GRK5: variants seen among roughly 807,000 people sequenced by gnomAD.
GRK5 encodes g protein-coupled receptor kinase GRK5.
GRK5 carries 40 observed loss-of-function variants against 78.4 expected under a neutral mutation model. The ratio of observed to expected loss-of-function variants is 0.51; its 90% confidence interval spans 0.40 to 0.66. GRK5 has a LOEUF of 0.66. Among genes scored for constraint, GRK5 ranks in the 30% least tolerant of loss-of-function variants. GRK5 has a pLI of 0.00. For missense variants in GRK5, 598 were observed against 759.9 expected, an observed-to-expected ratio of 0.79 and a Z score of 2.50; for synonymous variants, 289 against 296.8, an observed-to-expected ratio of 0.97 and a Z score of 0.27.
At chr10:119,383,071 G>A (rs1237830012) in intron 3 of GRK5, among the ~76,000 whole-genome samples, 1 of 152,044 alleles carries the variant, frequency 6.6e-6, no homozygotes, top group South Asian at 2.1e-4. Context: ...ACAGGCGCCC[G>A]CCACTACACC....
rs2133666683 is a variant in GRK5, at chr10:119,267,397, G to C, written c.53-59119G>C. 6.6e-6 allele frequency among the ~76,000 whole-genome samples: 1 copy of C among 152,256 alleles called. No homozygotes were observed. The highest frequency in any genetic ancestry group is 2.1e-4 in the South Asian group (1 of 4,830). On this transcript the variant is annotated intron_variant, in intron 1 of 15. Transcript: ENST00000392870. This position sits in a 1 kb window ranked among gnomAD's most constrained non-coding sequence, Gnocchi z 4.1. ...GTGCCTAGCTGTGTTTTGTTGTCTG[G>C]CGCTGCTTTAGATGACCCCTGCTGC...
intron 4 of GRK5, chr10:119,406,539 C>G (rs1852243951): frequency 1.1e-6 from 1 of 912,910 alleles, no homozygotes; most frequent in Admixed American, 6.2e-5. Flanking sequence ...GGACCCGGCT[C>G]TTCATCTCTA....
chr10:119,431,642 A>C lies in GRK5; in HGVS notation c.738+115A>C. The C allele has an allele frequency of 2.4e-6, 3 of 1,251,038 alleles. No homozygotes were observed. Among genetic ancestry groups the C allele is most frequent in the Non-Finnish European group, 3.3e-6 (3 of 907,596 alleles). The allele number at this position is 1,251,038 out of a possible 1,614,324, so 77.5% of individuals were successfully genotyped here. ...CCGGTCCCCACCCCTGGGAAGGGGA[A>C]TGCCAGTGGCAGCGCTGAGCTACAG... On this transcript the variant is annotated intron_variant, in intron 8 of 15. Coordinates refer to ENST00000392870, the MANE Select transcript of GRK5 (RefSeq NM_005308.3). The surrounding 1 kb of genome is among the most constrained non-coding windows in gnomAD (Gnocchi z 4.8).
intron 1 of GRK5, among the ~76,000 whole-genome samples, chr10:119,266,596 C>T (rs1054712949): frequency 4.6e-5 from 7 of 152,118 alleles, no homozygotes; most frequent in Non-Finnish European, 7.4e-5. Context: ...GTAGTGAAGC[C>T]GGTGGGGCTG....
At chr10:119,325,717 C>T (rs933094790) in intron 1 of GRK5, among the ~76,000 whole-genome samples, 6 of 152,186 alleles carry the variant, frequency 3.9e-5, no homozygotes, top group East Asian at 1.9e-4. Flanking sequence ...TTCACCCCAT[C>T]GCTGTTTGCG....
Position 119,296,428 on chromosome 10 carries a change from A to G in GRK5, c.53-30088A>G, listed in dbSNP as rs137924742. On this transcript the variant is annotated intron_variant, in intron 1 of 15. Transcript: ENST00000392870. ...GAGGTGGACTCTGTCCACAGGAGTA[A>G]AGGGAGAGGAACCACTGGCTGGTGA... 3.0e-3 allele frequency among the ~76,000 whole-genome samples: 460 copies of G among 152,286 alleles called. 3 individuals are homozygous for G. Among genetic ancestry groups the G allele is most frequent in the African/African-American group, 0.01 (425 of 41,550 alleles).
At chr10:119,392,026 C>T (rs1851895657) in intron 3 of GRK5, among the ~76,000 whole-genome samples, 2 of 152,150 alleles carry the variant, frequency 1.3e-5, no homozygotes, top group Admixed American at 1.3e-4. Context: ...AAACCTAGGG[C>T]CGGCTTCTTT....
chr10:119,300,993 A>G (rs1850171019), intron 1 of GRK5, among the ~76,000 whole-genome samples: 1 of 152,164 alleles, frequency 6.6e-6, no homozygotes, highest in South Asian at 2.1e-4. Context: ...AATCCCGGCT[A>G]CTTGGAAGGC....
rs563760914 is a variant in GRK5 at position 119,312,263 on chromosome 10, A to T, written c.53-14253A>T. 9.2e-5 allele frequency among the ~76,000 whole-genome samples: 14 copies of T among 152,312 alleles called. No individual in the cohort carries two copies. In the South Asian group the frequency reaches 2.5e-3, roughly 27 times the overall value. On this transcript the variant is annotated intron_variant, in intron 1 of 15. Transcript: ENST00000392870. ...TTAATATTCAGTGAATTTCATTTCA[A>T]TAAATGATTATTTTTTAATGGCGAT...
rs549310848 is a variant in GRK5, at chr10:119,350,118, C to T, written c.148+23507C>T. On this transcript the variant is annotated intron_variant, in intron 2 of 15. Transcript: ENST00000392870. Reference sequence around the variant, plus strand: ...GATGGGGTAAGGATGCAGGCTGGGACGGGGCTGGAGGCCCAGCCCATGACT... The same window carrying T: ...GATGGGGTAAGGATGCAGGCTGGGATGGGGCTGGAGGCCCAGCCCATGACT... Among the ~76,000 whole-genome samples the T allele has an allele frequency of 4.3e-4, 65 of 152,330 alleles. 1 individual carries two copies. The highest frequency in any genetic ancestry group is 5.8e-4 in the African/African-American group (24 of 41,576).
At chr10:119,364,121 C>T (rs291970) in intron 2 of GRK5, among the ~76,000 whole-genome samples, 27,140 of 152,162 alleles carry the variant, frequency 0.18, 2,761 homozygotes, top group Non-Finnish European at 0.23. Flanking sequence ...CAGTGTAGGG[C>T]GCAAAGCAGG....
In GRK5 at chr10:119,452,725, A is replaced by G. The variant is rs139931883; in HGVS notation, c.1459A>G (p.Lys487Glu). ...GGACATCGAGCAGTTCTCCACTGTG[A>G]AGGGCGTCAATCTGGACCACACAGA... is the stretch of plus-strand genomic sequence containing the variant. The part of the protein sequence containing the change: ...VLDIEQFSTV[K>E]GVNLDHTDDD... Residue 487 changes from lysine to glutamate, a missense_variant, in exon 14 of 16, where the codon AAG (lysine) becomes GAG (glutamate). By Grantham distance (56) the Lys-to-Glu change is moderately conservative (BLOSUM62 1). Coordinates refer to ENST00000392870, the MANE Select transcript of GRK5 (RefSeq NM_005308.3). The surrounding 1 kb of genome is among the most constrained non-coding windows in gnomAD (Gnocchi z 4.4). 4 of 1,614,104 alleles carry G rather than the reference A, an allele frequency of 2.5e-6. No homozygotes were observed. Among genetic ancestry groups the G allele is most frequent in the Admixed American group, 1.7e-5 (1 of 60,018 alleles).
At position 119,452,876 on chromosome 10, in the gene GRK5, C is replaced by T. The variant is rs182534187; in HGVS notation, c.1542+68C>T. Reference sequence around the variant, plus strand: ...GGGACTGACGGGTGGAAGGAGGCGTCGGGAATATGAGTTTGGCGGCAGGAG... The same window carrying T: ...GGGACTGACGGGTGGAAGGAGGCGTTGGGAATATGAGTTTGGCGGCAGGAG... On this transcript the variant is annotated intron_variant, in intron 14 of 15. Coordinates refer to ENST00000392870, the MANE Select transcript of GRK5 (RefSeq NM_005308.3). This position sits in a 1 kb window ranked among gnomAD's most constrained non-coding sequence, Gnocchi z 4.4. 422 of 1,492,546 alleles carry T rather than the reference C, an allele frequency of 2.8e-4. 2 individuals are homozygous for T. The East Asian group carries it at 8.4e-3, about 30-fold the overall frequency. 92.5% of individuals were successfully genotyped at this position (1,492,546 alleles called of 1,614,324 possible).
chr10:119,449,023 G>A lies in GRK5; in HGVS notation c.1404+763G>A, dbSNP rs1034172754. On this transcript the variant is annotated intron_variant, in intron 13 of 15. Transcript: ENST00000392870. ...CCTGCTGTGCTTCGGCTCCTGCCAC[G>A]CTCCCGCGGATGACCCCTTGCTGGC... Among the ~76,000 whole-genome samples, 4 of 152,112 alleles carry A rather than the reference G, an allele frequency of 2.6e-5. No individual in the cohort carries two copies. The South Asian group carries it at 6.3e-4, about 24-fold the overall frequency.
rs1399440730 is a variant in GRK5 at position 119,380,829 on chromosome 10, A to G, written c.163A>G (p.Ser55Gly). ...CTTGTCTCCAGACAGAGATTACTGC[A>G]GTTTATGTGACAAGCAGCCAATCGG... ...LRRTIDRDYCSLCDKQPIGRL... is the reference protein window; with the variant it reads ...LRRTIDRDYCGLCDKQPIGRL... The change falls in exon 3 of 16, where the codon AGT becomes GGT. Residue 55 changes from serine to glycine, a missense_variant. Ser to Gly is a moderately conservative substitution (Grantham distance 56). Coordinates refer to ENST00000392870, the MANE Select transcript of GRK5 (RefSeq NM_005308.3). 1 of 1,609,374 alleles carries G rather than the reference A, an allele frequency of 6.2e-7. No homozygotes were observed. Among genetic ancestry groups the G allele is most frequent in the Admixed American group, 1.7e-5 (1 of 59,978 alleles).
chr10:119,256,156 C>G (rs1849279685), intron 1 of GRK5, among the ~76,000 whole-genome samples: 1 of 152,084 alleles, frequency 6.6e-6, no homozygotes, highest in Non-Finnish European at 1.5e-5. Flanking sequence ...CTCCACTGCA[C>G]ACTGTCCCAG....
chr10:119,390,335 G>A (rs1045336745), intron 3 of GRK5, among the ~76,000 whole-genome samples: 2 of 152,178 alleles, frequency 1.3e-5, no homozygotes, highest in African/African-American at 2.4e-5. Flanking sequence ...TGAAAGGCAC[G>A]TCTCACATGG....
At chr10:119,306,739 C>T (rs1476282796) in intron 1 of GRK5, among the ~76,000 whole-genome samples, 2 of 152,138 alleles carry the variant, frequency 1.3e-5, no homozygotes, top group African/African-American at 4.8e-5. Context: ...GGGGCCGCTG[C>T]ACCTGCAGGT....
chr10:119,325,935 G>T (rs1480494681), intron 1 of GRK5, among the ~76,000 whole-genome samples: 1 of 152,238 alleles, frequency 6.6e-6, no homozygotes, highest in Non-Finnish European at 1.5e-5. Context: ...TGTGAGGCAG[G>T]GCGGGCCCCT....
Sources: gnomAD v4.1 joint callset for allele counts (sites outside exome capture counted in the v4.1 genomes callset) on GRCh38, gnomAD v4.1.1 for gene constraint, Gnocchi (gnomAD v3.1) non-coding constraint, MANE v1.5 for transcripts, NCBI Gene and HGNC (gene_info 2026-07-23, HGNC 2026-07-21) for gene names.